MCTP2: variants seen among roughly 807,000 people sequenced by gnomAD.
MCTP2 encodes multiple C2 and transmembrane domain containing 2.
MCTP2 carries 132 observed loss-of-function variants against 111.6 expected under a neutral mutation model. The observed-to-expected ratio is 1.18, with a 90% CI of 1.03 to 1.37. The LOEUF is 1.37. Among genes scored for constraint, MCTP2 ranks in the 40% most tolerant of loss-of-function variants. The pLI is 0.00. For synonymous variants in MCTP2, 395 were observed against 387.7 expected (o/e 1.02, Z -0.22); for missense variants, 1,183 against 1,067.9 (o/e 1.11, Z -1.50).
intron 4 of MCTP2, among the ~76,000 whole-genome samples, chr15:94,333,189 T>G (rs112017853): frequency 0.037 from 5,625 of 152,182 alleles, 313 homozygotes; most frequent in African/African-American, 0.13. Flanking sequence ...AGTGAGCCGA[T>G]ATCATGCCAC....
chr15:94,470,318 GTGGTTTGTCT>G lies in MCTP2; in HGVS notation c.2361-14_2361-5del, dbSNP rs771827104. On this transcript the variant is annotated splice_polypyrimidine_tract_variant and splice_region_variant and intron_variant, in intron 20 of 22. Transcript: ENST00000357742. ...GAACATCAGAGGAAATTATATTTAT[GTGGTTTGTCT>G]ACAGCACATTTAACTGGACGGTCCC... The G allele has an allele frequency of 6.5e-6, 10 of 1,545,626 alleles. No homozygotes were observed. In the South Asian group the frequency reaches 1.1e-4, roughly 17 times the overall value.
chr15:94,440,563 T>C (rs1329392072), intron 18 of MCTP2, among the ~76,000 whole-genome samples: 2 of 152,232 alleles, frequency 1.3e-5, no homozygotes, highest in Non-Finnish European at 2.9e-5. Flanking sequence ...AGCACATGTC[T>C]GTGTGCTCAT....
At chr15:94,247,928 A>T (rs1223777519) in intron 1 of MCTP2, among the ~76,000 whole-genome samples, 1 of 152,124 alleles carries the variant, frequency 6.6e-6, no homozygotes, top group African/African-American at 2.4e-5. Context: ...CCAGGTATTG[A>T]TGTGGACTGG....
At chr15:94,432,642 C>G (rs2083257664) in intron 17 of MCTP2, among the ~76,000 whole-genome samples, 1 of 152,112 alleles carries the variant, frequency 6.6e-6, no homozygotes, top group Non-Finnish European at 1.5e-5. Context: ...TTTTTTTAAA[C>G]ACTACTTTCA....
chr15:94,332,340 C>A (rs941084375), intron 4 of MCTP2, among the ~76,000 whole-genome samples: 3 of 152,094 alleles, frequency 2.0e-5, no homozygotes, highest in African/African-American at 7.2e-5. Context: ...AGGGCTGATT[C>A]TTTTCCCAAC....
chr15:94,245,589 T>C (rs749474469), intron 1 of MCTP2, among the ~76,000 whole-genome samples: 1 of 145,094 alleles, frequency 6.9e-6, no homozygotes, highest in South Asian at 2.1e-4. Context: ...TATATGTACA[T>C]ATACGTATAT....
chr15:94,446,829 C>T (rs1297098665), intron 19 of MCTP2, among the ~76,000 whole-genome samples: 1 of 152,190 alleles, frequency 6.6e-6, no homozygotes, highest in Non-Finnish European at 1.5e-5. Context: ...TTAGCATCTT[C>T]AATGAGGTCA....
chr15:94,443,517 T>A (rs945049754), intron 19 of MCTP2, among the ~76,000 whole-genome samples: 6 of 152,240 alleles, frequency 3.9e-5, no homozygotes, highest in Non-Finnish European at 7.3e-5. Context: ...AATGAGATGC[T>A]ACTAGCTTAA....
At chr15:94,267,423 A>G (rs756412300) in intron 1 of MCTP2, among the ~76,000 whole-genome samples, 1 of 152,178 alleles carries the variant, frequency 6.6e-6, no homozygotes, top group Non-Finnish European at 1.5e-5. Context: ...GTAGTATTCC[A>G]TTATATGGAC....
chr15:94,245,716 GTATATA>G (rs34856900), intron 1 of MCTP2, among the ~76,000 whole-genome samples: 4 of 139,774 alleles, frequency 2.9e-5, no homozygotes, highest in South Asian at 2.2e-4. Context: ...GTGTGTGTGT[GTATATA>G]TATATATATA....
At chr15:94,423,190 C>T (rs932322025) in intron 17 of MCTP2, among the ~76,000 whole-genome samples, 1 of 152,190 alleles carries the variant, frequency 6.6e-6, no homozygotes, top group African/African-American at 2.4e-5. Context: ...TGTCCTTTCA[C>T]TTGGATGTAA....
At chr15:94,450,221 T>C (rs1433090619) in intron 19 of MCTP2, among the ~76,000 whole-genome samples, 1 of 152,218 alleles carries the variant, frequency 6.6e-6, no homozygotes, top group African/African-American at 2.4e-5. Flanking sequence ...ATCCAAATAC[T>C]ATTTTATATT....
intron 1 of MCTP2, among the ~76,000 whole-genome samples, chr15:94,246,191 C>A (rs576986486): frequency 6.6e-6 from 1 of 152,052 alleles, no homozygotes; most frequent in Non-Finnish European, 1.5e-5. Flanking sequence ...ACACTGAAAC[C>A]GTCACCTACA....
intron 17 of MCTP2, among the ~76,000 whole-genome samples, chr15:94,432,919 T>G (rs2083272346): frequency 6.6e-6 from 1 of 152,228 alleles, no homozygotes; most frequent in African/African-American, 2.4e-5. Flanking sequence ...AGTAGAGGCA[T>G]TCTCTTGGAT....
chr15:94,300,611 G>T (rs1460100631), intron 2 of MCTP2, among the ~76,000 whole-genome samples: 1 of 152,080 alleles, frequency 6.6e-6, no homozygotes, highest in East Asian at 1.9e-4. Flanking sequence ...TGGAAATAGA[G>T]ATGGGTAAGA....
At chr15:94,443,119 C>A (rs1442565265) in intron 19 of MCTP2, among the ~76,000 whole-genome samples, 159 bp downstream of exon 19, 5 of 149,156 alleles carry the variant, frequency 3.4e-5, no homozygotes, top group Non-Finnish European at 7.4e-5. Context: ...AAAAGGATAT[C>A]CCTTTTTAAG....
chr15:94,431,394 T>C (rs1567692961), intron 17 of MCTP2, among the ~76,000 whole-genome samples: 2 of 152,196 alleles, frequency 1.3e-5, no homozygotes. Context: ...AGTTGGATTA[T>C]GACACACAAC....
chr15:94,327,189 C>T (rs554776750), intron 4 of MCTP2, among the ~76,000 whole-genome samples: 6 of 152,150 alleles, frequency 3.9e-5, no homozygotes, highest in Admixed American at 6.5e-5. Context: ...CATTCACCTA[C>T]ATTTCTTCTC....
At chr15:94,394,049 CA>C (rs767685107) in intron 14 of MCTP2, among the ~76,000 whole-genome samples, 1,504 of 61,708 alleles carry the variant, frequency 0.024, 22 homozygotes, top group African/African-American at 0.073. Context: ...AACTCCATCT[CA>C]AAAAAAAAAA....
Sources: gnomAD v4.1 joint callset for allele counts (sites outside exome capture counted in the v4.1 genomes callset) on GRCh38, gnomAD v4.1.1 for gene constraint, MANE v1.5 for transcripts, NCBI Gene and HGNC (gene_info 2026-07-23, HGNC 2026-07-21) for gene names.